Variants in ADAMTS10 observed in about 807,000 individuals in gnomAD.
ADAMTS10 encodes A disintegrin and metalloproteinase with thrombospondin motifs 10.
A neutral mutation model predicts 135.9 loss-of-function variants in ADAMTS10; 48 were observed. That is an observed-to-expected ratio of 0.35 (90% confidence interval 0.28 to 0.45). The LOEUF (loss-of-function observed/expected upper bound fraction) is 0.45. ADAMTS10 is among the 20% of genes least tolerant of loss of function. The pLI, the probability that ADAMTS10 is intolerant of heterozygous loss-of-function variation, is 1.00. For synonymous variants in ADAMTS10, 621 were observed against 647.5 expected (o/e 0.96, Z 0.62); for missense variants, 1,131 against 1,565.2 (o/e 0.72, Z 4.68).
Position 8,610,709 on chromosome 19 carries a change from G to A in ADAMTS10, c.-280C>T, listed in dbSNP as rs1265640379. ...TCTCGCCGCCCCGCGCGCGCAGGAA[G>A]GGAGGGAGCGAGCGAGCGCGGCGGC... On this transcript the variant is annotated 5_prime_UTR_variant, in exon 1 of 26. Transcript: ENST00000597188. 1 of 150,190 alleles carries A rather than the reference G, an allele frequency of 6.7e-6. No individual in the cohort carries two copies. Among genetic ancestry groups the A allele is most frequent in the East Asian group, 2.0e-4 (1 of 5,050 alleles). 9.3% of individuals were successfully genotyped at this position (150,190 alleles called of 1,614,324 possible).
intron 2 of ADAMTS10, among the ~76,000 whole-genome samples, chr19:8,606,413 T>C (rs1040002132): frequency 1.3e-5 from 2 of 152,124 alleles, no homozygotes; most frequent in African/African-American, 2.4e-5. Context: ...ATCACGCTCT[T>C]TTTTTTGAGA....
chr19:8,583,507 C>T (rs2042381419), intron 25 of ADAMTS10, among the ~76,000 whole-genome samples: 2 of 150,474 alleles, frequency 1.3e-5, no homozygotes, highest in South Asian at 4.2e-4. Flanking sequence ...TGCCACTGCA[C>T]TACAGCCTGG....
Position 8,600,644 on chromosome 19 carries a change from G to A in ADAMTS10, c.810+284C>T, listed in dbSNP as rs374838944. 4.0e-3 allele frequency among the ~76,000 whole-genome samples: 604 copies of A among 151,688 alleles called. 5 individuals carry two copies. Among genetic ancestry groups the A allele is most frequent in the African/African-American group, 0.014 (564 of 41,394 alleles). ...CTCCCGAGTAGCTGGGACTACAGGC[G>A]CCCGCCACCACACTCGGCTAATTTT... On this transcript the variant is annotated intron_variant, in intron 6 of 25. Transcript: ENST00000597188.
In ADAMTS10 at chr19:8,605,819, G is replaced by A; in HGVS notation, c.-99-10C>T. 1 of 1,509,768 alleles carries A rather than the reference G, an allele frequency of 6.6e-7. No homozygotes were observed. The highest frequency in any genetic ancestry group is 1.2e-5 in the South Asian group (1 of 81,630). 93.5% of individuals were successfully genotyped at this position (1,509,768 alleles called of 1,614,324 possible). ...CAGCATCACCGGGCTCCTGGGAGGG[G>A]GGAGCCAGGTAAGGGGGCGCCTGGT... is the stretch of plus-strand genomic sequence containing the variant. On this transcript the variant is annotated splice_polypyrimidine_tract_variant and intron_variant, in intron 2 of 25. Transcript: ENST00000597188. The surrounding 1 kb of genome is among the most constrained non-coding windows in gnomAD (Gnocchi z 7.7).
intron 12 of ADAMTS10, among the ~76,000 whole-genome samples, chr19:8,594,154 T>C (rs550474672): frequency 2.0e-5 from 3 of 152,314 alleles, no homozygotes; most frequent in Admixed American, 2.0e-4. Context: ...TCTGCTTTTG[T>C]CCTCCTCTCC....
chr19:8,584,154 C>CAAAAAAAAAAAAAAA (rs34412373), intron 25 of ADAMTS10, among the ~76,000 whole-genome samples: 2 of 44,890 alleles, frequency 4.5e-5, no homozygotes, highest in African/African-American at 9.1e-5. Flanking sequence ...GACTCCATCT[C>CAAAAAAAAAAAAAAA]AAAAAAAAAA....
chr19:8,586,280 G>A, intron 21 of ADAMTS10, 29 bp from the exon 22 acceptor site: 1 of 1,613,110 alleles, frequency 6.2e-7, no homozygotes, highest in East Asian at 2.2e-5. Context: ...GGCCTGCTCA[G>A]CCCCTCCCGG....
chr19:8,592,235 A>G (rs1408452182), intron 13 of ADAMTS10, 132 bp from the exon 14 acceptor site: 2 of 1,454,796 alleles, frequency 1.4e-6, no homozygotes, highest in Non-Finnish European at 1.8e-6. Context: ...GGGTCTGAAC[A>G]TGCGAACAGA....
intron 12 of ADAMTS10, 29 bp from the exon 13 acceptor site, chr19:8,592,899 G>GC (rs2146071253): frequency 6.3e-7 from 1 of 1,594,822 alleles, no homozygotes. Flanking sequence ...GCTCAGGCTC[G>GC]CCCCCCTCCC....
At position 8,585,039 on chromosome 19, in the gene ADAMTS10, C is replaced by T. The variant is rs1555736492; in HGVS notation, c.3058G>A (p.Gly1020Ser). 8 of 1,530,490 alleles carry T rather than the reference C, an allele frequency of 5.2e-6. No individual in the cohort carries two copies. The highest frequency in any genetic ancestry group is 2.0e-5 in the Admixed American group (1 of 50,382). 94.8% of individuals were successfully genotyped at this position (1,530,490 alleles called of 1,614,324 possible). The change falls in exon 25 of 26, where the codon GGC (glycine) becomes AGC (serine). Residue 1020 changes from glycine (G) to serine (S), a missense_variant. Physicochemically the swap from Gly to Ser is moderately conservative, Grantham distance 56. Coordinates refer to ENST00000597188, the MANE Select transcript of ADAMTS10 (RefSeq NM_030957.4). The stretch of plus-strand genomic sequence containing the variant: ...ACCGAGCGCTGCCGCTGCCCGACGC[C>T]GCACTGTGCAGAGCACTGCGAGGGG... ...GEWGECSAQC[G>S]VGQRQRSVRC... is the part of the protein sequence containing the mutation.
At chr19:8,604,979 AT>A in intron 4 of ADAMTS10, 32 bp downstream of exon 4, 1 of 1,559,596 alleles carries the variant, frequency 6.4e-7, no homozygotes. Flanking sequence ...ACTTATGGGC[AT>A]TTCCCCCCGC....
At chr19:8,600,706 G>T (rs776844517) in intron 6 of ADAMTS10, among the ~76,000 whole-genome samples, 3 of 151,920 alleles carry the variant, frequency 2.0e-5, no homozygotes, top group Non-Finnish European at 4.4e-5. Context: ...CACCGTGTTA[G>T]CCAGGATGGT....
intron 18 of ADAMTS10, 57 bp downstream of exon 18, chr19:8,589,185 C>T (rs1205637546): frequency 6.2e-7 from 1 of 1,608,992 alleles, no homozygotes; most frequent in Non-Finnish European, 8.5e-7. Flanking sequence ...GGATCAGTTC[C>T]ACCTGCAGTC....
At chr19:8,581,159 T>TTTTTTA (rs2042344503) in intron 25 of ADAMTS10, 157 bp from the exon 26 acceptor site, 3 of 374,122 alleles carry the variant, frequency 8.0e-6, no homozygotes, top group Non-Finnish European at 1.4e-5. Context: ...TTTTTTTTTT[T>TTTTTTA]ACAGATGTTA....
Position 8,603,858 on chromosome 19 carries a change from T to A in ADAMTS10, c.462A>T (p.Glu154Asp). Residue 154 changes from glutamate (E) to aspartate (D), a missense_variant, in exon 5 of 26, where the codon GAA becomes GAT. Physicochemically the swap from Glu to Asp is conservative, Grantham distance 45 (BLOSUM62 2). This residue lies in a region of ADAMTS10 where 306 missense variants were observed against 344.4 expected (regional missense o/e 0.89). Coordinates refer to ENST00000597188, the MANE Select transcript of ADAMTS10 (RefSeq NM_030957.4). ...GLHGLIVADEEEYLIEPLHGG... is the reference protein window; with the variant it reads ...GLHGLIVADEDEYLIEPLHGG... Reference sequence around the variant, plus strand: ...CGTGCAGGGGCTCAATCAGGTACTCTTCCTCGTCTGCCACGATCAGGCCGT... The same window carrying A: ...CGTGCAGGGGCTCAATCAGGTACTCATCCTCGTCTGCCACGATCAGGCCGT... 1 of 1,613,096 alleles carries A rather than the reference T, an allele frequency of 6.2e-7. No individual in the cohort carries two copies. The highest frequency in any genetic ancestry group is 8.5e-7 in the Non-Finnish European group (1 of 1,179,162).
rs782351264 is a variant in ADAMTS10 at position 8,605,817 on chromosome 19, G to C, written c.-99-8C>G. 4.0e-6 allele frequency: 6 copies of C among 1,509,738 alleles called. No homozygotes were observed. Among genetic ancestry groups the C allele is most frequent in the Admixed American group, 2.1e-5 (1 of 47,966 alleles). 93.5% of individuals were successfully genotyped at this position (1,509,738 alleles called of 1,614,324 possible). A position where few individuals can be genotyped will look rare whatever the true frequency, so the allele number is the denominator to read the frequency against. ...CGCAGCATCACCGGGCTCCTGGGAG[G>C]GGGGAGCCAGGTAAGGGGGCGCCTG... is the stretch of plus-strand genomic sequence containing the variant. On this transcript the variant is annotated splice_region_variant and splice_polypyrimidine_tract_variant and intron_variant, in intron 2 of 25. Coordinates refer to ENST00000597188, the MANE Select transcript of ADAMTS10 (RefSeq NM_030957.4). The surrounding 1 kb of genome is among the most constrained non-coding windows in gnomAD (Gnocchi z 7.7).
intron 6 of ADAMTS10, among the ~76,000 whole-genome samples, chr19:8,598,864 T>C (rs2042634087): frequency 6.6e-6 from 1 of 151,136 alleles, no homozygotes; most frequent in African/African-American, 2.5e-5. Context: ...CGTGAGCCAC[T>C]GCACCGGGCT....
In ADAMTS10 at chr19:8,601,063, C is replaced by T; in HGVS notation, c.675G>A (p.Glu225=). ...ATCGCTTCAGGCCTGGCTGGCCACG[C>T]TCTGTTTCATTCCCCAGGGGCCTGG... ...PPARPLGNET[E]RGQPGLKRSV... is the part of the protein sequence containing the mutation. Residue 225 remains glutamate (E), a synonymous_variant, in exon 6 of 26, where the codon GAG becomes GAA. Transcript: ENST00000597188. The surrounding 1 kb of genome is among the most constrained non-coding windows in gnomAD (Gnocchi z 4.6). The T allele has an allele frequency of 1.2e-6, 2 of 1,614,124 alleles. No homozygotes were observed. The highest frequency in any genetic ancestry group is 1.7e-6 in the Non-Finnish European group (2 of 1,180,028).
intron 5 of ADAMTS10, among the ~76,000 whole-genome samples, chr19:8,602,855 G>A (rs2042681624): frequency 6.6e-6 from 1 of 152,000 alleles, no homozygotes; most frequent in Admixed American, 6.6e-5. Flanking sequence ...TCAAACTCCT[G>A]GGCTCAAGTG....
Sources: allele counts gnomAD v4.1 joint callset (sites outside exome capture counted in the v4.1 genomes callset), GRCh38; gene constraint gnomAD v4.1.1; regional missense constraint gnomAD v4.1.1; non-coding constraint Gnocchi (gnomAD v3.1); transcripts MANE v1.5; gene names NCBI Gene and HGNC (gene_info 2026-07-23, HGNC 2026-07-21).